Variants in FERRY3 observed in about 807,000 individuals in gnomAD.
The protein encoded by FERRY3 is FERRY endosomal RAB5 effector complex subunit 3, also known as protein C12orf4.
the FERRY3 span, among the ~76,000 whole-genome samples, chr12:4,530,378 C>T: frequency 6.6e-6 from 1 of 152,282 alleles, no homozygotes; most frequent in East Asian, 1.9e-4. Context: ...CACACACACA[C>T]AGATGATCAA....
At chr12:4,529,092 G>A in the FERRY3 span, among the ~76,000 whole-genome samples, 1 of 152,038 alleles carries the variant, frequency 6.6e-6, no homozygotes, top group Admixed American at 6.6e-5. Flanking sequence ...TATCTAGAAG[G>A]ACACATCCTG....
chr12:4,514,794 C>T, the FERRY3 span, among the ~76,000 whole-genome samples: 4 of 151,366 alleles, frequency 2.6e-5, no homozygotes, highest in South Asian at 2.1e-4. Flanking sequence ...TGCTAGATGA[C>T]GAGTTAGTGG....
the FERRY3 span, chr12:4,491,260 T>C: frequency 1.3e-6 from 2 of 1,589,708 alleles, no homozygotes; most frequent in Non-Finnish European, 1.7e-6. Flanking sequence ...AAACATAAGA[T>C]ATGTTTTTGA....
chr12:4,525,818 C>G, the FERRY3 span, among the ~76,000 whole-genome samples: 1 of 152,162 alleles, frequency 6.6e-6, no homozygotes, highest in Non-Finnish European at 1.5e-5. Context: ...AAATTTTCAT[C>G]TAAATGTATT....
chr12:4,514,362 G>A, the FERRY3 span, among the ~76,000 whole-genome samples: 2 of 151,878 alleles, frequency 1.3e-5, no homozygotes, highest in African/African-American at 4.9e-5. Context: ...CTAGAACTTA[G>A]AAATACCATT....
chr12:4,507,678 A>G, the FERRY3 span, among the ~76,000 whole-genome samples: 2 of 152,368 alleles, frequency 1.3e-5, no homozygotes, highest in East Asian at 3.9e-4. Flanking sequence ...AGACTGATTA[A>G]TAACAGGATA....
the FERRY3 span, among the ~76,000 whole-genome samples, chr12:4,510,264 T>C: frequency 2.7e-5 from 4 of 148,670 alleles, no homozygotes; most frequent in Non-Finnish European, 5.9e-5. Context: ...CAAATCTATG[T>C]CTGATTGGTG....
At chr12:4,496,768 A>G in the FERRY3 span, among the ~76,000 whole-genome samples, 1 of 152,334 alleles carries the variant, frequency 6.6e-6, no homozygotes, top group East Asian at 1.9e-4. Context: ...GAATTCAGAT[A>G]TAAGAATTAT....
chr12:4,513,929 A>G, the FERRY3 span, among the ~76,000 whole-genome samples: 1 of 152,048 alleles, frequency 6.6e-6, no homozygotes, highest in Non-Finnish European at 1.5e-5. Flanking sequence ...CTGCACAGCA[A>G]AAGAAACTAC....
At chr12:4,532,975 T>C in the FERRY3 span, among the ~76,000 whole-genome samples, 1 of 152,192 alleles carries the variant, frequency 6.6e-6, no homozygotes, top group African/African-American at 2.4e-5. Flanking sequence ...CCACTCTTAA[T>C]CTTGGCCTCA....
At chr12:4,497,423 T>C in the FERRY3 span, among the ~76,000 whole-genome samples, 3 of 152,214 alleles carry the variant, frequency 2.0e-5, no homozygotes, top group Non-Finnish European at 4.4e-5. Context: ...ATCATCTGCA[T>C]ATATGTTATA....
At chr12:4,490,734 C>A in the FERRY3 span, 1 of 619,512 alleles carries the variant, frequency 1.6e-6, no homozygotes, top group Non-Finnish European at 2.8e-6. Context: ...TAGGCTACAC[C>A]TAAAGGACAG....
At chr12:4,532,596 G>A in the FERRY3 span, among the ~76,000 whole-genome samples, 1 of 152,166 alleles carries the variant, frequency 6.6e-6, no homozygotes, top group Admixed American at 6.5e-5. Flanking sequence ...CAGTCCGTCA[G>A]TATTCAAACA....
the FERRY3 span, among the ~76,000 whole-genome samples, chr12:4,493,044 G>A: frequency 1.3e-5 from 2 of 151,834 alleles, no homozygotes; most frequent in African/African-American, 2.4e-5. Flanking sequence ...TGCCCTTCTC[G>A]GTAATTCCAT....
At chr12:4,500,150 A>G in the FERRY3 span, 2 of 1,613,224 alleles carry the variant, frequency 1.2e-6, no homozygotes, top group Non-Finnish European at 1.7e-6. Flanking sequence ...CTGACATATC[A>G]TGTACCAGCA....
the FERRY3 span, chr12:4,525,658 A>C: frequency 9.4e-7 from 1 of 1,060,012 alleles, no homozygotes; most frequent in Non-Finnish European, 1.4e-6. Context: ...TCATCAAACA[A>C]TCTCTATAAA....
the FERRY3 span, among the ~76,000 whole-genome samples, chr12:4,530,209 G>A: frequency 6.6e-6 from 1 of 151,580 alleles, no homozygotes; most frequent in Non-Finnish European, 1.5e-5. Context: ...TATTATACAG[G>A]ATTGTCTAAG....
At chr12:4,505,429 T>G in the FERRY3 span, 2 of 1,262,872 alleles carry the variant, frequency 1.6e-6, no homozygotes, top group Non-Finnish European at 2.3e-6. Context: ...CATATGAGAA[T>G]ATGTTACTAT....
chr12:4,525,371 A>G, the FERRY3 span: 1 of 1,612,824 alleles, frequency 6.2e-7, no homozygotes, highest in Non-Finnish European at 8.5e-7. Context: ...TTTATTTTCT[A>G]GGTCCTAAAA....
Sources: gnomAD v4.1 joint callset for allele counts (sites outside exome capture counted in the v4.1 genomes callset) on GRCh38, gnomAD v4.1.1 for gene constraint, MANE v1.5 for transcripts, NCBI Gene and HGNC (gene_info 2026-07-23, HGNC 2026-07-21) for gene names.